The following GRIK2 variants were observed in gnomAD, a reference collection of about 807,000 sequenced individuals.
The protein encoded by GRIK2 is glutamate ionotropic receptor kainate type subunit 2.
GRIK2 carries 32 observed loss-of-function variants against 100.3 expected under a neutral mutation model. That is an observed-to-expected ratio of 0.32 (90% CI 0.24 to 0.43). GRIK2 has a LOEUF of 0.43. Ranked by LOEUF, GRIK2 falls within the 20% of genes least tolerant of loss-of-function variation. The pLI, the probability that GRIK2 is intolerant of heterozygous loss-of-function variation, is 1.00. For missense variants in GRIK2, 843 were observed against 1,114.9 expected, an observed-to-expected ratio of 0.76 and a Z score of 3.47; for synonymous variants, 417 against 389.4, an observed-to-expected ratio of 1.07 and a Z score of -0.83.
intron 7 of GRIK2, among the ~76,000 whole-genome samples, chr6:101,789,722 G>A (rs566256193): frequency 8.5e-5 from 13 of 152,156 alleles, no homozygotes; most frequent in African/African-American, 3.1e-4. Context: ...CTTTAAAGTA[G>A]TTTTTTCCAA....
At chr6:102,034,465 A>G (rs1257835850) in intron 14 of GRIK2, among the ~76,000 whole-genome samples, 3 of 151,398 alleles carry the variant, frequency 2.0e-5, no homozygotes, top group African/African-American at 4.8e-5. Context: ...CTTCAGGATT[A>G]TTTTTGGTAT....
chr6:102,005,295 G>GATC (rs1795153724), intron 14 of GRIK2, among the ~76,000 whole-genome samples: 1 of 151,724 alleles, frequency 6.6e-6, no homozygotes, highest in African/African-American at 2.4e-5. Context: ...TTAAAATGCT[G>GATC]ATCTTCAAAT....
chr6:101,699,753 G>A (rs1441119403), intron 7 of GRIK2, among the ~76,000 whole-genome samples: 1 of 152,116 alleles, frequency 6.6e-6, no homozygotes, highest in Non-Finnish European at 1.5e-5. Flanking sequence ...AGTAGTCTCA[G>A]TAAAGCCAAA....
chr6:101,538,400 C>A (rs949120092), intron 2 of GRIK2, among the ~76,000 whole-genome samples: 2 of 151,470 alleles, frequency 1.3e-5, no homozygotes, highest in Non-Finnish European at 3.0e-5. Context: ...ATTAAAATTA[C>A]CATTTTAAGT....
At chr6:101,447,528 A>G (rs370055988) in intron 2 of GRIK2, among the ~76,000 whole-genome samples, 7 of 151,776 alleles carry the variant, frequency 4.6e-5, no homozygotes, top group Admixed American at 6.6e-5. Context: ...GTTACCTAAC[A>G]TATTAGGATA....
At chr6:101,919,259 G>A (rs1562487089) in intron 12 of GRIK2, among the ~76,000 whole-genome samples, 1 of 151,768 alleles carries the variant, frequency 6.6e-6, no homozygotes, top group Non-Finnish European at 1.5e-5. Flanking sequence ...GAATCAAGTA[G>A]AGACAGTTTT....
intron 7 of GRIK2, among the ~76,000 whole-genome samples, chr6:101,761,667 A>G (rs1777678319): frequency 6.6e-6 from 1 of 152,282 alleles, no homozygotes; most frequent in Non-Finnish European, 1.5e-5. Flanking sequence ...CTTCAAACTC[A>G]GACTGAAAGC....
At chr6:101,889,431 A>C (rs1261320833) in intron 11 of GRIK2, among the ~76,000 whole-genome samples, 1 of 151,900 alleles carries the variant, frequency 6.6e-6, no homozygotes, top group Non-Finnish European at 1.5e-5. Context: ...AATCTAGAAG[A>C]ACATAGAAAT....
chr6:101,762,098 CCCTTCCTTTCCTT>C (rs1238206584), intron 7 of GRIK2, among the ~76,000 whole-genome samples: 4 of 143,704 alleles, frequency 2.8e-5, no homozygotes, highest in Non-Finnish European at 4.6e-5. Flanking sequence ...CTTCCTTCCT[CCCTTCCTTTCCTT>C]CCTTCCTCCC....
intron 10 of GRIK2, among the ~76,000 whole-genome samples, chr6:101,829,327 A>G (rs1782530603): frequency 6.6e-6 from 1 of 152,014 alleles, no homozygotes; most frequent in South Asian, 2.1e-4. Flanking sequence ...GCCCTTAAGA[A>G]CTGGAACAAG....
At chr6:101,855,100 G>A (rs146336541) in intron 10 of GRIK2, among the ~76,000 whole-genome samples, 2 of 152,266 alleles carry the variant, frequency 1.3e-5, no homozygotes, top group East Asian at 1.9e-4. Context: ...TTGAATCTGG[G>A]AGAAAACAGG....
intron 14 of GRIK2, among the ~76,000 whole-genome samples, chr6:101,955,616 C>CTCTCTCTCTCTCTCTCT (rs1554292263): frequency 4.6e-4 from 63 of 135,532 alleles, no homozygotes; most frequent in Non-Finnish European, 7.2e-4. Context: ...CTCTCTCTCT[C>CTCTCTCTCTCTCTCTCT]CCCCCCATTT....
intron 14 of GRIK2, 38 bp downstream of exon 14, chr6:101,928,670 A>G: frequency 2.0e-6 from 2 of 1,015,556 alleles, no homozygotes; most frequent in Non-Finnish European, 3.1e-6. Context: ...ACAAATTAAA[A>G]TGATAGAGCG....
intron 7 of GRIK2, among the ~76,000 whole-genome samples, chr6:101,776,082 T>C (rs1169868028): frequency 1.3e-5 from 2 of 152,206 alleles, no homozygotes; most frequent in East Asian, 1.9e-4. Context: ...AGAATGACTT[T>C]GGGTAGGAAA....
At position 101,849,263 on chromosome 6, in the gene GRIK2, G is replaced by A. The variant is rs561430467; in HGVS notation, c.1318-10024G>A. Among the ~76,000 whole-genome samples, 11 of 151,942 alleles carry A rather than the reference G, an allele frequency of 7.2e-5. No individual in the cohort carries two copies. The South Asian group carries it at 1.7e-3, about 23-fold the overall frequency. On this transcript the variant is annotated intron_variant, in intron 10 of 16. Coordinates refer to ENST00000369134, the MANE Select transcript of GRIK2 (RefSeq NM_021956.5). ...ACCCCCAAACCAAAACTAACCCAAC[G>A]AAAAAGGGCAGAGGGTTATCCTTTG...
chr6:101,943,207 G>T (rs1432455093), intron 14 of GRIK2, among the ~76,000 whole-genome samples: 1 of 152,222 alleles, frequency 6.6e-6, no homozygotes, highest in Non-Finnish European at 1.5e-5. Flanking sequence ...TGTTGGGCCT[G>T]TGGGTGCACA....
intron 14 of GRIK2, among the ~76,000 whole-genome samples, chr6:102,016,049 T>G (rs2114339841): frequency 6.6e-6 from 1 of 152,110 alleles, no homozygotes; most frequent in Admixed American, 6.5e-5. Context: ...CCCACAAAGA[T>G]GAGAAAAAAA....
chr6:101,818,298 T>A (rs878993708), intron 9 of GRIK2, 72 bp from the exon 10 acceptor site: 1 of 803,816 alleles, frequency 1.2e-6, no homozygotes, highest in South Asian at 1.6e-5. Context: ...TTAGCAATCT[T>A]AACTTTCTTT....
At chr6:101,985,420 C>T (rs1158854680) in intron 14 of GRIK2, among the ~76,000 whole-genome samples, 2 of 151,562 alleles carry the variant, frequency 1.3e-5, no homozygotes, top group Non-Finnish European at 3.0e-5. Context: ...TCTTATCTTC[C>T]CTGGTGACAT....
Sources: allele counts gnomAD v4.1 joint callset (sites outside exome capture counted in the v4.1 genomes callset), GRCh38; gene constraint gnomAD v4.1.1; transcripts MANE v1.5; gene names NCBI Gene and HGNC (gene_info 2026-07-23, HGNC 2026-07-21).